The following KIZ variants were observed in gnomAD, a reference collection of about 807,000 sequenced individuals.
KIZ encodes centrosomal protein kizuna.
A neutral mutation model predicts 79.6 loss-of-function variants in KIZ; 68 were observed. That is an observed-to-expected ratio of 0.85 (90% confidence interval 0.70 to 1.05). KIZ has a LOEUF of 1.05. Ranked by LOEUF, KIZ falls within the 50% of genes least tolerant of loss-of-function variation. The pLI is 0.00. For missense variants in KIZ, 797 were observed against 800.4 expected, an observed-to-expected ratio of 1.00 and a Z score of 0.05; for synonymous variants, 280 against 281.8, an observed-to-expected ratio of 0.99 and a Z score of 0.06.
chr20:21,216,637 T>G (rs1293986384), intron 9 of KIZ, among the ~76,000 whole-genome samples: 1 of 152,240 alleles, frequency 6.6e-6, no homozygotes, highest in Non-Finnish European at 1.5e-5. Flanking sequence ...TTAGTCTGCA[T>G]TTTCTGCAAA....
chr20:21,162,863 C>G lies in KIZ; in HGVS notation c.1056C>G (p.His352Gln). ...CGCCACTTGCAGATCATCTTGCTCA[C>G]AGGGAACCAAAGTCACAAAAGCCCT... ...PWEGVSDHLA[H>Q]REPKSQKPFR... is the part of the protein sequence containing the mutation. Residue 352 changes from histidine to glutamine, a missense_variant, in exon 6 of 13, where the codon CAC (histidine) becomes CAG (glutamine). Physicochemically the swap from His to Gln is conservative, Grantham distance 24. Transcript: ENST00000619189. 1.2e-6 allele frequency: 2 copies of G among 1,612,536 alleles called. 1 individual carries two copies. The highest frequency in any genetic ancestry group is 2.2e-5 in the South Asian group (2 of 90,804).
chr20:21,162,608 CTT>C (rs2033730944), intron 5 of KIZ, 101 bp downstream of exon 5: 3 of 969,698 alleles, frequency 3.1e-6, no homozygotes, highest in Middle Eastern at 6.7e-4. Flanking sequence ...AAAATAGTAT[CTT>C]TGCCAACAAA....
chr20:21,194,824 A>G (rs7363059), intron 6 of KIZ: 1 of 150,960 alleles, frequency 6.6e-6, no homozygotes, highest in Non-Finnish European at 1.5e-5. Flanking sequence ...ACCCCATCTC[A>G]TTTTTATTAA....
intron 6 of KIZ, among the ~76,000 whole-genome samples, chr20:21,182,978 G>A (rs1029693820): frequency 2.0e-5 from 3 of 152,100 alleles, no homozygotes; most frequent in African/African-American, 7.2e-5. Flanking sequence ...CTGGAATGAG[G>A]CAAGGGGTTA....
At chr20:21,230,637 T>C (rs1339803351) in intron 10 of KIZ, among the ~76,000 whole-genome samples, 1 of 152,218 alleles carries the variant, frequency 6.6e-6, no homozygotes, top group Non-Finnish European at 1.5e-5. Context: ...TGGTGACCAA[T>C]GCACATTAAG....
At chr20:21,128,464 A>C (rs553215761) in intron 1 of KIZ, among the ~76,000 whole-genome samples, 38 of 151,842 alleles carry the variant, frequency 2.5e-4, no homozygotes, top group Non-Finnish European at 5.2e-4. Flanking sequence ...AGTGGGAGAC[A>C]AAAAAAAACT....
At chr20:21,238,065 A>T (rs537715633) in intron 11 of KIZ, among the ~76,000 whole-genome samples, 1 of 152,098 alleles carries the variant, frequency 6.6e-6, no homozygotes. Context: ...TCCTGAGCTC[A>T]GGTGATCCAC....
intron 3 of KIZ, among the ~76,000 whole-genome samples, chr20:21,141,856 GTCTC>G (rs888263434): frequency 4.2e-5 from 6 of 143,286 alleles, no homozygotes; most frequent in Non-Finnish European, 7.6e-5. Context: ...CTCTGTGTTT[GTCTC>G]TCTCACACAA....
At chr20:21,179,247 G>T in intron 6 of KIZ, among the ~76,000 whole-genome samples, 1 of 142,850 alleles carries the variant, frequency 7.0e-6, no homozygotes, top group Admixed American at 7.1e-5. Context: ...TTTGATTACT[G>T]ATTCAGTCTC....
chr20:21,162,663 T>C, intron 5 of KIZ, 156 bp downstream of exon 5: 1 of 776,620 alleles, frequency 1.3e-6, no homozygotes, highest in Admixed American at 2.9e-5. Context: ...GGGAGTGAAT[T>C]TGCTGATTTT....
At chr20:21,228,759 C>A (rs902983370) in intron 9 of KIZ, among the ~76,000 whole-genome samples, 1 of 152,168 alleles carries the variant, frequency 6.6e-6, no homozygotes, top group Non-Finnish European at 1.5e-5. Flanking sequence ...GGGAACCTAT[C>A]CACAGACCCA....
At chr20:21,183,582 A>C (rs549766965) in intron 6 of KIZ, among the ~76,000 whole-genome samples, 53 of 152,336 alleles carry the variant, frequency 3.5e-4, no homozygotes, top group Non-Finnish European at 5.7e-4. Flanking sequence ...TTCTTTTTAC[A>C]TATGTGCTAA....
At chr20:21,203,788 T>C (rs2035689603) in intron 6 of KIZ, among the ~76,000 whole-genome samples, 1 of 152,168 alleles carries the variant, frequency 6.6e-6, no homozygotes, top group South Asian at 2.1e-4. Context: ...CTATTTTGTC[T>C]TTACTGTGGT....
chr20:21,166,000 C>G (rs1416140457), intron 6 of KIZ, among the ~76,000 whole-genome samples: 2 of 152,066 alleles, frequency 1.3e-5, no homozygotes. Flanking sequence ...GAGTTTTGCT[C>G]TTGTTGCCCA....
intron 3 of KIZ, 48 bp downstream of exon 3, chr20:21,136,600 T>G (rs199597542): frequency 1.1e-5 from 1 of 88,724 alleles, no homozygotes; most frequent in African/African-American, 6.0e-5. Context: ...TTGTTGTGTG[T>G]TTTTTTTTTT....
At chr20:21,180,399 C>G (rs2034604917) in intron 6 of KIZ, among the ~76,000 whole-genome samples, 1 of 152,040 alleles carries the variant, frequency 6.6e-6, no homozygotes, top group African/African-American at 2.4e-5. Context: ...TACCCCCACT[C>G]TCTTGGAGCC....
intron 6 of KIZ, chr20:21,166,196 T>TA (rs2033929576): frequency 7.5e-7 from 1 of 1,327,392 alleles, no homozygotes; most frequent in African/African-American, 1.4e-5. Flanking sequence ...TAAATATATG[T>TA]ATTACATCCC....
intron 6 of KIZ, among the ~76,000 whole-genome samples, chr20:21,172,118 T>G (rs754245901): frequency 8.5e-5 from 13 of 152,214 alleles, no homozygotes; most frequent in Non-Finnish European, 1.3e-4. Context: ...ACTTGGTGGT[T>G]GTTTTAAGCT....
At chr20:21,166,158 T>TG in intron 6 of KIZ, 1 of 858,898 alleles carries the variant, frequency 1.2e-6, no homozygotes, top group Non-Finnish European at 1.8e-6. Flanking sequence ...ATTTTTTTTT[T>TG]TTTTTTGTCC....
Sources: gnomAD v4.1 joint callset for allele counts (sites outside exome capture counted in the v4.1 genomes callset) on GRCh38, gnomAD v4.1.1 for gene constraint, MANE v1.5 for transcripts, NCBI Gene and HGNC (gene_info 2026-07-23, HGNC 2026-07-21) for gene names.